The following DLG2 variants were observed in gnomAD, a reference collection of about 807,000 sequenced individuals.
DLG2 encodes the protein discs large MAGUK scaffold protein 2.
Under a neutral mutation model 132.5 loss-of-function variants are expected in DLG2, and 45 were observed. The ratio of observed to expected loss-of-function variants is 0.34; its 90% CI spans 0.27 to 0.44. DLG2 has a LOEUF of 0.44. DLG2 is among the 20% of genes least tolerant of loss of function. DLG2 has a pLI of 1.00. For synonymous variants in DLG2, 424 were observed against 419.6 expected (o/e 1.01, Z -0.13); for missense variants, 1,045 against 1,196.9 (o/e 0.87, Z 1.87).
At chr11:84,966,698 T>C (rs998157472) in intron 6 of DLG2, among the ~76,000 whole-genome samples, 6 of 152,158 alleles carry the variant, frequency 3.9e-5, no homozygotes, top group African/African-American at 1.4e-4. Flanking sequence ...AAAATTGGGA[T>C]CATACATGGT....
At position 85,418,311 on chromosome 11, in the gene DLG2, T is replaced by A. The variant is rs1433888495; in HGVS notation, c.41-132946A>T. ...GATTGCACTGTGGTCTGAGAGACTG[T>A]TTATTATGATTTCCATTCTTTTGCA... is the stretch of plus-strand genomic sequence containing the variant. On this transcript the variant is annotated intron_variant, in intron 3 of 27. Transcript: ENST00000376104. 2.0e-5 allele frequency among the ~76,000 whole-genome samples: 3 copies of A among 152,176 alleles called. No homozygotes were observed. The South Asian group carries it at 6.2e-4, about 32-fold the overall frequency.
At chr11:85,584,339 G>GGT (rs61334060) in intron 3 of DLG2, among the ~76,000 whole-genome samples, 10,686 of 144,904 alleles carry the variant, frequency 0.074, 419 homozygotes, top group Non-Finnish European at 0.089. Context: ...AGTATTCCAT[G>GGT]GTGTGTGTGT....
intron 6 of DLG2, among the ~76,000 whole-genome samples, chr11:84,577,224 A>G (rs1178347773): frequency 6.6e-6 from 1 of 152,154 alleles, no homozygotes; most frequent in Non-Finnish European, 1.5e-5. Context: ...GTCTTTATCA[A>G]AAGTGTGAAA....
At chr11:84,021,512 T>G (rs2095393025) in intron 11 of DLG2, among the ~76,000 whole-genome samples, 1 of 152,132 alleles carries the variant, frequency 6.6e-6, no homozygotes. Flanking sequence ...GTCTGGTCCT[T>G]AAGCAGCTGC....
intron 6 of DLG2, among the ~76,000 whole-genome samples, chr11:84,578,497 T>C (rs1476292922): frequency 6.6e-6 from 1 of 152,130 alleles, no homozygotes; most frequent in Non-Finnish European, 1.5e-5. Flanking sequence ...GGAGATCATT[T>C]TGGAGTTTTA....
intron 6 of DLG2, among the ~76,000 whole-genome samples, chr11:84,988,192 A>G (rs1250962253): frequency 6.6e-6 from 1 of 152,228 alleles, no homozygotes; most frequent in Non-Finnish European, 1.5e-5. Context: ...ACACAATTTG[A>G]TACCACCTTA....
chr11:84,991,983 T>C (rs572410423), intron 6 of DLG2, among the ~76,000 whole-genome samples: 1 of 152,322 alleles, frequency 6.6e-6, no homozygotes, highest in South Asian at 2.1e-4. Flanking sequence ...CTTTCCCTTA[T>C]TCTTTTGTAT....
chr11:84,788,059 C>T (rs2073207697), intron 6 of DLG2, among the ~76,000 whole-genome samples: 1 of 127,198 alleles, frequency 7.9e-6, no homozygotes, highest in Non-Finnish European at 1.6e-5. Flanking sequence ...TGAGACTGAG[C>T]CACTGCATTC....
intron 6 of DLG2, among the ~76,000 whole-genome samples, chr11:84,615,583 A>G (rs1346240302): frequency 6.6e-6 from 1 of 151,964 alleles, no homozygotes; most frequent in Non-Finnish European, 1.5e-5. Flanking sequence ...TAAGTGTTGT[A>G]TCCAGGCTGG....
rs150865533 is a variant in DLG2, at chr11:83,857,442, C to T, written c.1565+16978G>A. Reference sequence around the variant, plus strand: ...TTTTAATGATATTGATTCTTCCTATCCATGAACATGGAATGTTTTTTCATT... The same window carrying T: ...TTTTAATGATATTGATTCTTCCTATTCATGAACATGGAATGTTTTTTCATT... On this transcript the variant is annotated intron_variant, in intron 16 of 27. Coordinates refer to ENST00000376104, the MANE Select transcript of DLG2 (RefSeq NM_001142699.3). 5.0e-3 allele frequency among the ~76,000 whole-genome samples: 758 copies of T among 152,258 alleles called. 3 individuals carry two copies. Among genetic ancestry groups the T allele is most frequent in the Middle Eastern group, 0.02 (6 of 294 alleles).
chr11:84,272,163 T>C (rs1030850369), intron 7 of DLG2: 1 of 255,620 alleles, frequency 3.9e-6, no homozygotes, highest in Non-Finnish European at 8.2e-6. Flanking sequence ...TAAAATATAG[T>C]GGTTCAATTA....
intron 3 of DLG2, among the ~76,000 whole-genome samples, chr11:85,459,086 C>T (rs2153053906): frequency 6.6e-6 from 1 of 152,312 alleles, no homozygotes. Flanking sequence ...GGGAGACAGA[C>T]TGGCCTCTTC....
At chr11:84,166,606 T>C (rs1229530101) in intron 8 of DLG2, among the ~76,000 whole-genome samples, 1 of 152,006 alleles carries the variant, frequency 6.6e-6, no homozygotes, top group Admixed American at 6.6e-5. Context: ...AATATACCAG[T>C]ACAGTATTAA....
chr11:84,695,544 T>C (rs1220960197), intron 6 of DLG2, among the ~76,000 whole-genome samples: 1 of 151,572 alleles, frequency 6.6e-6, no homozygotes, highest in Non-Finnish European at 1.5e-5. Context: ...ACTGGTACTG[T>C]AGAAATTTAT....
chr11:84,185,771 T>G (rs1428623091), intron 8 of DLG2, among the ~76,000 whole-genome samples: 4 of 152,214 alleles, frequency 2.6e-5, no homozygotes, highest in African/African-American at 9.6e-5. Context: ...ATTGAGAGTT[T>G]TTAGCATGAA....
chr11:83,759,480 C>T (rs951815146), intron 18 of DLG2, among the ~76,000 whole-genome samples: 1 of 152,178 alleles, frequency 6.6e-6, no homozygotes, highest in East Asian at 1.9e-4. Context: ...CAACTGTGAC[C>T]TCGAAGGCTT....
chr11:83,799,692 C>T (rs944115608), intron 17 of DLG2, among the ~76,000 whole-genome samples: 3 of 152,078 alleles, frequency 2.0e-5, no homozygotes, highest in Non-Finnish European at 4.4e-5. Flanking sequence ...TGTGATGATA[C>T]CATTAATCAA....
intron 18 of DLG2, among the ~76,000 whole-genome samples, chr11:83,707,858 T>A (rs1256910374): frequency 1.3e-5 from 2 of 152,304 alleles, no homozygotes; most frequent in East Asian, 3.9e-4. Context: ...CCTAACAGAA[T>A]AAAATTTTCC....
chr11:84,944,602 T>C (rs1449192496), intron 6 of DLG2, among the ~76,000 whole-genome samples: 1 of 91,778 alleles, frequency 1.1e-5, no homozygotes, highest in Non-Finnish European at 2.0e-5. Context: ...TCAGTCTCTG[T>C]TAATTTTTTT....
Sources: gnomAD v4.1 joint callset for allele counts (sites outside exome capture counted in the v4.1 genomes callset) on GRCh38, gnomAD v4.1.1 for gene constraint, MANE v1.5 for transcripts, NCBI Gene and HGNC (gene_info 2026-07-23, HGNC 2026-07-21) for gene names.